The following SPAG16 variants were observed in gnomAD, a reference collection of about 807,000 sequenced individuals.
The protein encoded by SPAG16 is sperm associated antigen 16.
In SPAG16, 86 loss-of-function variants were observed where a neutral mutation model predicts 80.4. The ratio of observed to expected loss-of-function variants is 1.07; its 90% confidence interval spans 0.90 to 1.28. The LOEUF is 1.28. SPAG16 is among the 50% of genes most tolerant of loss of function. The pLI is 0.00. For missense variants in SPAG16, 870 were observed against 765.3 expected (o/e 1.14, Z -1.61); for synonymous variants, 294 against 265.9 (o/e 1.11, Z -1.03).
At chr2:213,962,156 G>A (rs928854831) in intron 12 of SPAG16, among the ~76,000 whole-genome samples, 2 of 151,752 alleles carry the variant, frequency 1.3e-5, no homozygotes, top group African/African-American at 4.8e-5. Context: ...GTTAAATAAG[G>A]GTAAAGCCCT....
At chr2:214,296,948 C>T (rs1447400954) in intron 15 of SPAG16, among the ~76,000 whole-genome samples, 1 of 152,174 alleles carries the variant, frequency 6.6e-6, no homozygotes, top group Non-Finnish European at 1.5e-5. Flanking sequence ...TTCACTCTGT[C>T]ACCATGTGGC....
rs80104118 is a variant in SPAG16, at chr2:213,995,567, T to G, written c.1401-18384T>G. 8.9e-3 allele frequency among the ~76,000 whole-genome samples: 1,348 copies of G among 152,304 alleles called. 44 individuals carry two copies. In the East Asian group the frequency reaches 0.093, roughly 11 times the overall value. Reference sequence around the variant, plus strand: ...AGTCAAGCTAATTTAGACATGACTCTCTTTCTTATATGTCTAGCTAGAAAT... The same window carrying G: ...AGTCAAGCTAATTTAGACATGACTCGCTTTCTTATATGTCTAGCTAGAAAT... On this transcript the variant is annotated intron_variant, in intron 12 of 15. Coordinates refer to ENST00000331683, the MANE Select transcript of SPAG16 (RefSeq NM_024532.5).
chr2:214,212,392 A>C (rs1039376453), intron 15 of SPAG16, among the ~76,000 whole-genome samples: 1 of 150,762 alleles, frequency 6.6e-6, no homozygotes, highest in Non-Finnish European at 1.5e-5. Flanking sequence ...CCTCCTTCTC[A>C]CCTCCCCGAC....
intron 10 of SPAG16, among the ~76,000 whole-genome samples, chr2:213,809,496 A>T (rs1046108519): frequency 1.3e-5 from 2 of 152,210 alleles, no homozygotes; most frequent in Non-Finnish European, 2.9e-5. Context: ...GAGGTACTAC[A>T]TCCAATACTA....
intron 13 of SPAG16, among the ~76,000 whole-genome samples, chr2:214,088,760 C>T (rs1285767600): frequency 6.6e-6 from 1 of 152,008 alleles, no homozygotes; most frequent in African/African-American, 2.4e-5. Flanking sequence ...GACCAGATGG[C>T]TTTATGAATG....
At chr2:214,347,681 T>C (rs1698145758) in intron 15 of SPAG16, among the ~76,000 whole-genome samples, 1 of 152,212 alleles carries the variant, frequency 6.6e-6, no homozygotes, top group Non-Finnish European at 1.5e-5. Context: ...TTGGGGAGGT[T>C]ACTCTCAAAA....
intron 10 of SPAG16, among the ~76,000 whole-genome samples, chr2:213,765,499 T>C (rs1478379839): frequency 6.6e-6 from 1 of 152,258 alleles, no homozygotes; most frequent in African/African-American, 2.4e-5. Context: ...CTATGTCCTC[T>C]TGAGTCTATA....
intron 13 of SPAG16, among the ~76,000 whole-genome samples, chr2:214,037,889 G>A (rs981008728): frequency 3.2e-4 from 48 of 151,308 alleles, no homozygotes; most frequent in African/African-American, 1.1e-3. Context: ...GTGTGTGTGT[G>A]TGTGTGTGTG....
At chr2:213,488,267 C>T (rs4450545) in intron 9 of SPAG16, among the ~76,000 whole-genome samples, 12,544 of 152,014 alleles carry the variant, frequency 0.083, 1,778 homozygotes, top group African/African-American at 0.28. Flanking sequence ...TGTGTGTATA[C>T]GCCATTAACA....
chr2:213,813,393 C>T (rs1425366951), intron 10 of SPAG16, among the ~76,000 whole-genome samples: 2 of 152,192 alleles, frequency 1.3e-5, no homozygotes, highest in Middle Eastern at 3.2e-3. Flanking sequence ...CCTCCACCCT[C>T]CACACCAGAT....
chr2:213,418,471 A>G (rs574097640), intron 9 of SPAG16, among the ~76,000 whole-genome samples: 1 of 152,296 alleles, frequency 6.6e-6, no homozygotes, highest in African/African-American at 2.4e-5. Context: ...TCTCATTTAT[A>G]CTAAAAATTT....
intron 10 of SPAG16, among the ~76,000 whole-genome samples, chr2:213,526,912 T>C (rs1022360864): frequency 3.0e-4 from 46 of 152,272 alleles, no homozygotes; most frequent in African/African-American, 1.1e-3. Context: ...AAGGTTAGAA[T>C]CTACAGGTGT....
intron 14 of SPAG16, among the ~76,000 whole-genome samples, chr2:214,143,519 A>G (rs1042634658): frequency 9.2e-5 from 14 of 152,120 alleles, no homozygotes; most frequent in South Asian, 2.1e-4. Context: ...CAGGTATGTT[A>G]TAAGTGATAA....
intron 9 of SPAG16, among the ~76,000 whole-genome samples, chr2:213,479,772 A>C (rs1260771679): frequency 6.6e-6 from 1 of 152,154 alleles, no homozygotes; most frequent in African/African-American, 2.4e-5. Flanking sequence ...CTTCATATTT[A>C]TTCTTTTTTT....
intron 13 of SPAG16, among the ~76,000 whole-genome samples, chr2:214,041,257 A>G (rs1390893243): frequency 2.6e-5 from 4 of 151,098 alleles, no homozygotes; most frequent in Non-Finnish European, 5.9e-5. Flanking sequence ...GTGTTTGTTC[A>G]TTAATTTAGT....
At chr2:213,492,318 CTGAGGT>C (rs1440281992) in intron 10 of SPAG16, among the ~76,000 whole-genome samples, 1 of 152,126 alleles carries the variant, frequency 6.6e-6, no homozygotes, top group Non-Finnish European at 1.5e-5. Flanking sequence ...CTTTGGGAGG[CTGAGGT>C]GGGCAGATCA....
At chr2:213,303,802 C>T (rs565984183) in intron 3 of SPAG16, among the ~76,000 whole-genome samples, 1 of 152,150 alleles carries the variant, frequency 6.6e-6, no homozygotes, top group South Asian at 2.1e-4. Context: ...TAGGTTGCCT[C>T]CAAATCTTAG....
chr2:213,543,511 C>G (rs944523154), intron 10 of SPAG16, among the ~76,000 whole-genome samples: 2 of 151,870 alleles, frequency 1.3e-5, no homozygotes, highest in Non-Finnish European at 1.5e-5. Context: ...AAGAGATACT[C>G]TAGTACATCG....
intron 9 of SPAG16, among the ~76,000 whole-genome samples, chr2:213,436,185 G>C (rs761047171): frequency 5.9e-5 from 9 of 152,176 alleles, no homozygotes; most frequent in Non-Finnish European, 7.3e-5. Flanking sequence ...TTTTTCTACA[G>C]CTTCTTCATC....
Sources: gnomAD v4.1 joint callset for allele counts (sites outside exome capture counted in the v4.1 genomes callset) on GRCh38, gnomAD v4.1.1 for gene constraint, MANE v1.5 for transcripts, NCBI Gene and HGNC (gene_info 2026-07-23, HGNC 2026-07-21) for gene names.